Variants in HMCN2 observed in about 807,000 individuals in gnomAD.
The protein encoded by HMCN2 is hemicentin-2.
Under a neutral mutation model 377.5 loss-of-function variants are expected in HMCN2, and 325 were observed. The ratio of observed to expected loss-of-function variants is 0.86; its 90% CI spans 0.79 to 0.94. The LOEUF (loss-of-function observed/expected upper bound fraction) is 0.94, where lower values mean the gene tolerates loss of function less well. HMCN2 is among the 40% of genes least tolerant of loss of function. The pLI is 0.00. For missense variants in HMCN2, 4,543 were observed against 4,725.3 expected (o/e 0.96, Z 1.13); for synonymous variants, 2,007 against 2,046.8 (o/e 0.98, Z 0.53).
rs1411101076 is a variant in HMCN2 at position 130,391,008 on chromosome 9, G to A, written c.9555G>A (p.Arg3185=). 1 of 987,312 alleles carries A rather than the reference G, an allele frequency of 1.0e-6. No homozygotes were observed. Among genetic ancestry groups the A allele is most frequent in the African/African-American group, 1.7e-5 (1 of 57,266 alleles). 61.2% of individuals were successfully genotyped at this position (987,312 alleles called of 1,614,324 possible). The change falls in exon 63 of 98, where the codon CGG becomes CGA. Residue 3185 remains arginine, a synonymous_variant. Coordinates refer to ENST00000683500, the MANE Select transcript of HMCN2 (RefSeq NM_001291815.2). ...ESSAVHGVVS[R]GGRLQLSRLQ... is the part of the protein sequence containing the mutation. ...GCGCGGTGCACGGTGTGGTCTCCCGGGGGGGCCGCCTCCAGCTGAGCCGCC... is the reference window on the plus strand; with the variant it reads ...GCGCGGTGCACGGTGTGGTCTCCCGAGGGGGCCGCCTCCAGCTGAGCCGCC...
At position 130,391,931 on chromosome 9, in the gene HMCN2, T is replaced by A; in HGVS notation, c.9953-4T>A. 1 of 987,910 alleles carries A rather than the reference T, an allele frequency of 1.0e-6. No homozygotes were observed. The highest frequency in any genetic ancestry group is 1.2e-6 in the Non-Finnish European group (1 of 830,144). 61.2% of individuals were successfully genotyped at this position (987,910 alleles called of 1,614,324 possible). A position where few individuals can be genotyped will look rare whatever the true frequency, so the allele number is the denominator to read the frequency against. On this transcript the variant is annotated splice_polypyrimidine_tract_variant and splice_region_variant and intron_variant, in intron 65 of 97. Transcript: ENST00000683500. ...CTACCCCTCTTTTTTCTACCCACCC[T>A]CAGTTCCTCCCACCATCAAGCAGGG...
chr9:130,341,829 C>T (rs944436029), intron 24 of HMCN2, among the ~76,000 whole-genome samples: 4 of 151,844 alleles, frequency 2.6e-5, no homozygotes, highest in Non-Finnish European at 5.9e-5. Flanking sequence ...AAGCACCTGG[C>T]GCATAGAAAG....
chr9:130,395,297 G>A lies in HMCN2; in HGVS notation c.10861G>A (p.Ala3621Thr). The A allele has an allele frequency of 7.8e-7, 1 of 1,289,524 alleles. No individual in the cohort carries two copies. Among genetic ancestry groups the A allele is most frequent in the Non-Finnish European group, 1.0e-6 (1 of 988,722 alleles). The allele number at this position is 1,289,524 out of a possible 1,614,324, so 79.9% of individuals were successfully genotyped here. A position where few individuals can be genotyped will look rare whatever the true frequency, so the allele number is the denominator to read the frequency against. Residue 3621 changes from alanine (A) to threonine (T), a missense_variant, in exon 71 of 98, where the codon GCA (alanine) becomes ACA (threonine). Physicochemically the swap from Ala to Thr is moderately conservative, Grantham distance 58. Transcript: ENST00000683500. ...GQLVLECSVEAEPAPKITWHR... is the reference protein window; with the variant it reads ...GQLVLECSVETEPAPKITWHR... ...GCTGGTCCTGGAGTGTTCGGTGGAG[G>A]CAGAGCCAGCGCCCAAGATCACGTG... is the stretch of plus-strand genomic sequence containing the variant.
intron 15 of HMCN2, among the ~76,000 whole-genome samples, chr9:130,315,148 C>G (rs1837464182): frequency 6.8e-6 from 1 of 147,064 alleles, no homozygotes; most frequent in Non-Finnish European, 1.5e-5. Context: ...TTACCCCTTC[C>G]CTTTGAACCT....
intron 1 of HMCN2, among the ~76,000 whole-genome samples, chr9:130,281,526 A>G (rs990194375): frequency 7.2e-5 from 11 of 151,904 alleles, no homozygotes; most frequent in Admixed American, 2.0e-4. Context: ...TGAGCCTGGG[A>G]ACTGGAGGTT....
Position 130,308,953 on chromosome 9 carries a change from C to T in HMCN2, c.2201-959C>T, listed in dbSNP as rs1389908253. On this transcript the variant is annotated intron_variant, in intron 14 of 97. Coordinates refer to ENST00000683500, the MANE Select transcript of HMCN2 (RefSeq NM_001291815.2). This position sits in a 1 kb window ranked among gnomAD's most constrained non-coding sequence, Gnocchi z 4.1. Reference sequence around the variant, plus strand: ...CCAGGGACTGGGGAGAGGAGAACACCAGGAGTTAGTGTTGAATAGGTATGG... The same window carrying T: ...CCAGGGACTGGGGAGAGGAGAACACTAGGAGTTAGTGTTGAATAGGTATGG... 2.0e-5 allele frequency among the ~76,000 whole-genome samples: 3 copies of T among 152,104 alleles called. No individual in the cohort carries two copies. The highest frequency in any genetic ancestry group is 7.2e-5 in the African/African-American group (3 of 41,412).
chr9:130,339,380 C>T (rs935444434), intron 23 of HMCN2, among the ~76,000 whole-genome samples: 5 of 152,158 alleles, frequency 3.3e-5, no homozygotes, highest in Admixed American at 1.3e-4. Flanking sequence ...TGTGCTGCCC[C>T]GGATCTAAGC....
At position 130,307,482 on chromosome 9, in the gene HMCN2, G is replaced by T. The variant is rs1406494567; in HGVS notation, c.2116G>T (p.Val706Leu). Residue 706 changes from valine to leucine, a missense_variant, in exon 14 of 98, where the codon GTG becomes TTG. Around this residue, in one of 5 missense-constraint regions of HMCN2, gnomAD observed 547 missense variants for 189.9 expected, o/e 2.88. Transcript: ENST00000683500. Reference sequence around the variant, plus strand: ...ACCGTCGGTCTCTGCTGTAAATGCCGTGGTGCTGGTGGCCGTTGGGGAGGA... The same window carrying T: ...ACCGTCGGTCTCTGCTGTAAATGCCTTGGTGCTGGTGGCCGTTGGGGAGGA... ...DPPSVSAVNAVVLVAVGEEAV... is the reference protein window; with the variant it reads ...DPPSVSAVNALVLVAVGEEAV... 1 of 471,186 alleles carries T rather than the reference G, an allele frequency of 2.1e-6. No homozygotes were observed. 29.2% of individuals were successfully genotyped at this position (471,186 alleles called of 1,614,324 possible).
Position 130,351,406 on chromosome 9 carries a change from C to G in HMCN2, c.4431-17C>G. 7.7e-7 allele frequency: 1 copy of G among 1,295,466 alleles called. No individual in the cohort carries two copies. 80.2% of individuals were successfully genotyped at this position (1,295,466 alleles called of 1,614,324 possible). ...CCCTCGGCCTTACTGGCGCTTTTCC[C>G]TTGCCCGTCTCTCCAGGCCTGTCCT... On this transcript the variant is annotated splice_polypyrimidine_tract_variant and intron_variant, in intron 29 of 97. Coordinates refer to ENST00000683500, the MANE Select transcript of HMCN2 (RefSeq NM_001291815.2). This position sits in a 1 kb window ranked among gnomAD's most constrained non-coding sequence, Gnocchi z 5.4.
chr9:130,427,594 G>C lies in HMCN2; in HGVS notation c.14040G>C (p.Leu4680=), dbSNP rs1844455035. The C allele has an allele frequency of 6.4e-7, 1 of 1,550,406 alleles. No individual in the cohort carries two copies. Among genetic ancestry groups the C allele is most frequent in the Non-Finnish European group, 8.7e-7 (1 of 1,146,964 alleles). The change falls in exon 92 of 98, where the codon CTG becomes CTC. Residue 4680 remains leucine (L), a synonymous_variant. Transcript: ENST00000683500. ...FSCTCPTGFA[L]AWDDRNCRDV... Reference sequence around the variant, plus strand: ...GCACCTGCCCCACTGGCTTCGCCCTGGCCTGGGATGACAGGAACTGCAGAG... The same window carrying C: ...GCACCTGCCCCACTGGCTTCGCCCTCGCCTGGGATGACAGGAACTGCAGAG...
chr9:130,414,027 C>T lies in HMCN2; in HGVS notation c.12961+3375C>T, dbSNP rs1217943047. On this transcript the variant is annotated intron_variant, in intron 85 of 97. Transcript: ENST00000683500. The surrounding 1 kb of genome is among the most constrained non-coding windows in gnomAD (Gnocchi z 4.4). ...AAAAAAAAATAGCTGGGCATGGTGG[C>T]GCACACCTGTAATCCCAGCTACTTG... 3.3e-5 allele frequency among the ~76,000 whole-genome samples: 5 copies of T among 151,344 alleles called. No individual in the cohort carries two copies. Among genetic ancestry groups the T allele is most frequent in the Admixed American group, 1.3e-4 (2 of 15,224 alleles).
rs944334813 is a variant in HMCN2, at chr9:130,399,642, G to A, written c.11605+10G>A. ...CAGGTGACCGTCCATGGTGAGTCGGGGCAGAGGTGGAGGGGGACACCTGGG... is the reference window on the plus strand; with the variant it reads ...CAGGTGACCGTCCATGGTGAGTCGGAGCAGAGGTGGAGGGGGACACCTGGG... On this transcript the variant is annotated intron_variant, in intron 76 of 97. Transcript: ENST00000683500. 3 of 1,283,780 alleles carry A rather than the reference G, an allele frequency of 2.3e-6. No homozygotes were observed. The Admixed American group carries it at 6.9e-5, about 30-fold the overall frequency. 79.5% of individuals were successfully genotyped at this position (1,283,780 alleles called of 1,614,324 possible).
intron 4 of HMCN2, among the ~76,000 whole-genome samples, chr9:130,287,168 C>T (rs964330106): frequency 2.6e-5 from 4 of 152,200 alleles, no homozygotes; most frequent in Non-Finnish European, 4.4e-5. Flanking sequence ...GGATCCCGCA[C>T]AGGCACCTCT....
chr9:130,269,793 T>G (rs202080199), intron 1 of HMCN2, among the ~76,000 whole-genome samples: 1 of 13,492 alleles, frequency 7.4e-5, no homozygotes, highest in African/African-American at 5.2e-4. Flanking sequence ...ATGTTATCTG[T>G]TTTTTTTTTT....
At chr9:130,278,375 C>T (rs1201528680) in intron 1 of HMCN2, among the ~76,000 whole-genome samples, 2 of 152,058 alleles carry the variant, frequency 1.3e-5, no homozygotes, top group South Asian at 2.1e-4. Flanking sequence ...CCGCCCGTCT[C>T]GGCCTCCCAA....
Position 130,428,600 on chromosome 9 carries a change from T to C in HMCN2, c.14197+111T>C. 7.2e-7 allele frequency: 1 copy of C among 1,387,270 alleles called. No individual in the cohort carries two copies. Among genetic ancestry groups the C allele is most frequent in the Non-Finnish European group, 9.7e-7 (1 of 1,032,828 alleles). The allele number at this position is 1,387,270 out of a possible 1,614,324, so 85.9% of individuals were successfully genotyped here. Reference sequence around the variant, plus strand: ...CTGGGCTCTGGGCTTCCAGGAAGACTGGGACTCTTGGCAGAAGGAGTACAG... The same window carrying C: ...CTGGGCTCTGGGCTTCCAGGAAGACCGGGACTCTTGGCAGAAGGAGTACAG... On this transcript the variant is annotated intron_variant, in intron 93 of 97. Coordinates refer to ENST00000683500, the MANE Select transcript of HMCN2 (RefSeq NM_001291815.2). This position sits in a 1 kb window ranked among gnomAD's most constrained non-coding sequence, Gnocchi z 5.0.
rs1258049581 is a variant in HMCN2, at chr9:130,425,890, C to T, written c.13845C>T (p.Ala4615=). 1 of 1,549,662 alleles carries T rather than the reference C, an allele frequency of 6.5e-7. No homozygotes were observed. Among genetic ancestry groups the T allele is most frequent in the South Asian group, 1.2e-5 (1 of 84,018 alleles). ...CGGCCTTTGATCCAGAGGCCGAGGC[C>T]CTGCGCTTCCAGCTCGCTACAGCCC... ...ISSAFDPEAE[A]LRFQLATALQ... Residue 4615 remains alanine, a synonymous_variant, in exon 90 of 98, where the codon GCC becomes GCT. Transcript: ENST00000683500.
At position 130,285,295 on chromosome 9, in the gene HMCN2, C is replaced by T. The variant is rs1330415527; in HGVS notation, c.468C>T (p.Leu156=). The part of the protein sequence containing the change: ...DYHKKEELLR[L]LQLKQSQVVF... Reference sequence around the variant, plus strand: ...ACAAGAAGGAAGAGCTGCTGCGGCTCCTGCAGCTCAAGCAATCACAGGTGG... The same window carrying T: ...ACAAGAAGGAAGAGCTGCTGCGGCTTCTGCAGCTCAAGCAATCACAGGTGG... Residue 156 remains leucine (L), a synonymous_variant, in exon 3 of 98, where the codon CTC becomes CTT. Transcript: ENST00000683500. 1.1e-5 allele frequency: 5 copies of T among 471,154 alleles called. No individual in the cohort carries two copies. The highest frequency in any genetic ancestry group is 2.2e-5 in the Non-Finnish European group (5 of 227,048). The allele number at this position is 471,154 out of a possible 1,614,324, so 29.2% of individuals were successfully genotyped here.
At position 130,309,530 on chromosome 9, in the gene HMCN2, A is replaced by G. The variant is rs543210651; in HGVS notation, c.2201-382A>G. ...ACTCTGTCTCAAAAAAAAAAAAAAA[A>G]AAAAAAAGGAAAAAAAAGAAAAATG... On this transcript the variant is annotated intron_variant, in intron 14 of 97. Transcript: ENST00000683500. 9.3e-5 allele frequency among the ~76,000 whole-genome samples: 14 copies of G among 151,134 alleles called. No homozygotes were observed. The South Asian group carries it at 2.3e-3, about 25-fold the overall frequency.
Sources: gnomAD v4.1 joint callset for allele counts (sites outside exome capture counted in the v4.1 genomes callset) on GRCh38, gnomAD v4.1.1 for gene constraint, gnomAD v4.1.1 regional missense constraint, Gnocchi (gnomAD v3.1) non-coding constraint, MANE v1.5 for transcripts, NCBI Gene and HGNC (gene_info 2026-07-23, HGNC 2026-07-21) for gene names.